The following MFSD8 variants were observed in gnomAD, a reference collection of about 807,000 sequenced individuals.
The protein encoded by MFSD8 is major facilitator superfamily domain containing 8.
Under a neutral mutation model 66.4 loss-of-function variants are expected in MFSD8, and 55 were observed. The ratio of observed to expected loss-of-function variants is 0.83; its 90% confidence interval spans 0.67 to 1.04. MFSD8 has a LOEUF of 1.04. MFSD8 is among the 50% of genes least tolerant of loss of function. The pLI is 0.00. For missense variants in MFSD8, 550 were observed against 627.6 expected (o/e 0.88, Z 1.32); for synonymous variants, 202 against 212.8 (o/e 0.95, Z 0.44).
At chr4:127,950,441 G>A (rs1236326065) in intron 2 of MFSD8, among the ~76,000 whole-genome samples, 1 of 152,180 alleles carries the variant, frequency 6.6e-6, no homozygotes, top group Non-Finnish European at 1.5e-5. Flanking sequence ...TGTAATCCCA[G>A]CACTTTGGGA....
At chr4:127,944,730 G>A (rs576307937) in intron 3 of MFSD8, among the ~76,000 whole-genome samples, 1 of 151,998 alleles carries the variant, frequency 6.6e-6, no homozygotes, top group East Asian at 1.9e-4. Flanking sequence ...GTCCGATCAC[G>A]GCTCAGTGCA....
At chr4:127,947,934 A>G (rs528323438) in intron 3 of MFSD8, among the ~76,000 whole-genome samples, 1 of 152,116 alleles carries the variant, frequency 6.6e-6, no homozygotes, top group South Asian at 2.1e-4. Context: ...CCAACAAGGG[A>G]TAAACTGATA....
chr4:127,925,800 T>C (rs1364801474), intron 9 of MFSD8, among the ~76,000 whole-genome samples: 1 of 152,188 alleles, frequency 6.6e-6, no homozygotes, highest in Non-Finnish European at 1.5e-5. Flanking sequence ...GTATGTTTAT[T>C]ACAGCACTAT....
At position 127,938,851 on chromosome 4, in the gene MFSD8, A is replaced by T. The variant is rs1455294863; in HGVS notation, c.699-13T>A. 2.5e-6 allele frequency: 4 copies of T among 1,599,856 alleles called. No homozygotes were observed. The South Asian group carries it at 4.4e-5, about 18-fold the overall frequency. On this transcript the variant is annotated splice_polypyrimidine_tract_variant and intron_variant, in intron 6 of 11. Transcript: ENST00000641686. ...CACACGATGTTCTCTTAAAAAGAAAAACACAAATATTGTACCTATAAAATG... is the reference window on the plus strand; with the variant it reads ...CACACGATGTTCTCTTAAAAAGAAATACACAAATATTGTACCTATAAAATG...
chr4:127,961,079 C>T (rs1199606567), intron 1 of MFSD8, among the ~76,000 whole-genome samples: 1 of 152,034 alleles, frequency 6.6e-6, no homozygotes, highest in African/African-American at 2.4e-5. Context: ...GTGGGGAGCA[C>T]TGAGGATTCA....
chr4:127,940,104 C>A, intron 5 of MFSD8, 107 bp from the exon 6 acceptor site: 1 of 1,077,302 alleles, frequency 9.3e-7, no homozygotes, highest in East Asian at 2.5e-5. Flanking sequence ...ATGGAATCAT[C>A]CTTCTATATC....
At chr4:127,922,813 T>C (rs929287756) in intron 9 of MFSD8, among the ~76,000 whole-genome samples, 1 of 152,158 alleles carries the variant, frequency 6.6e-6, no homozygotes, top group Non-Finnish European at 1.5e-5. Flanking sequence ...ATGGTAAGTA[T>C]TCTAGCAAAT....
intron 9 of MFSD8, among the ~76,000 whole-genome samples, chr4:127,927,621 T>C (rs532155957): frequency 6.6e-6 from 1 of 152,356 alleles, no homozygotes; most frequent in Non-Finnish European, 1.5e-5. Context: ...CCATAGACTA[T>C]ATGACTGAAC....
chr4:127,921,834 C>T, intron 10 of MFSD8, 26 bp downstream of exon 10: 1 of 1,613,590 alleles, frequency 6.2e-7, no homozygotes, highest in Non-Finnish European at 8.5e-7. Context: ...CAGAGGTTAA[C>T]ATTATAGAAT....
rs1348533099 is a variant in MFSD8, at chr4:127,957,604, G to A, written c.63-12C>T. On this transcript the variant is annotated splice_polypyrimidine_tract_variant and intron_variant, in intron 1 of 11. Transcript: ENST00000641686. ...AAATGTCCCATTCTCTAGGTGTAAA[G>A]AAGAAAAAAGTAGTATAAATTTATC... The A allele has an allele frequency of 6.4e-7, 1 of 1,555,674 alleles. No individual in the cohort carries two copies. Among genetic ancestry groups the A allele is most frequent in the East Asian group, 2.3e-5 (1 of 44,380 alleles).
At chr4:127,923,087 A>G (rs1736579905) in intron 9 of MFSD8, among the ~76,000 whole-genome samples, 1 of 152,156 alleles carries the variant, frequency 6.6e-6, no homozygotes, top group South Asian at 2.1e-4. Flanking sequence ...AGGCAATTTG[A>G]CTTTCTCATT....
chr4:127,965,232 C>T (rs1744876642), upstream of MFSD8: 1 of 1,461,278 alleles, frequency 6.8e-7, no homozygotes, highest in Non-Finnish European at 9.5e-7. Context: ...CCTGTAAGTG[C>T]GCGTGCGCAC....
intron 2 of MFSD8, 82 bp from the exon 3 acceptor site, chr4:127,949,929 G>T: frequency 7.9e-7 from 1 of 1,267,894 alleles, no homozygotes; most frequent in Non-Finnish European, 1.1e-6. Flanking sequence ...CCGTGGCATG[G>T]ATTTTAAAAT....
chr4:127,923,588 ATTATTAT>A (rs1736707455), intron 9 of MFSD8, among the ~76,000 whole-genome samples: 1 of 143,454 alleles, frequency 7.0e-6, no homozygotes. Context: ...TATTATTATT[ATTATTAT>A]TTGAGACAGA....
At chr4:127,959,113 C>T (rs1170265824) in intron 1 of MFSD8, among the ~76,000 whole-genome samples, 1 of 152,206 alleles carries the variant, frequency 6.6e-6, no homozygotes, top group African/African-American at 2.4e-5. Context: ...GATGTCCTGG[C>T]ATCCTGTACC....
chr4:127,920,652 C>T lies in MFSD8; in HGVS notation c.1535G>A (p.Arg512Lys), dbSNP rs796052748. The T allele has an allele frequency of 1.4e-5, 23 of 1,613,928 alleles. No homozygotes were observed. The highest frequency in any genetic ancestry group is 1.9e-5 in the Non-Finnish European group (23 of 1,180,020). ...VYKRLIALSVRYGRIQE is the reference protein window; with the variant it reads ...VYKRLIALSVKYGRIQE ...AGTTTATTCCTGAATCCTCCCATAT[C>T]TTACAGAAAGAGCAATGAGTCTTTT... The change falls in exon 12 of 12, where the codon AGA (arginine) becomes AAA (lysine). Residue 512 changes from arginine (R) to lysine (K), a missense_variant. Coordinates refer to ENST00000641686, the MANE Select transcript of MFSD8 (RefSeq NM_001371596.2).
intron 9 of MFSD8, among the ~76,000 whole-genome samples, chr4:127,924,247 C>T (rs1368216034): frequency 6.6e-6 from 1 of 152,064 alleles, no homozygotes; most frequent in African/African-American, 2.4e-5. Flanking sequence ...AGGAATTTAT[C>T]CGTGTCTTCT....
rs1156864297 is a variant in MFSD8 at position 127,939,881 on chromosome 4, T to A, written c.670A>T (p.Asn224Tyr). The A allele has an allele frequency of 6.2e-7, 1 of 1,613,260 alleles. No individual in the cohort carries two copies. Among genetic ancestry groups the A allele is most frequent in the Non-Finnish European group, 8.5e-7 (1 of 1,179,596 alleles). ...AGTATGGCAAGGATCAGAATAATAT[T>A]TAAAATTCCCAGGAAGGCGCTAAGT... ...VLLSAFLGILNIILILAILRE... is the reference protein window; with the variant it reads ...VLLSAFLGILYIILILAILRE... Residue 224 changes from asparagine (N) to tyrosine (Y), a missense_variant, in exon 6 of 12, where the codon AAT becomes TAT. Physicochemically the swap from Asn to Tyr is moderately radical, Grantham distance 143. Coordinates refer to ENST00000641686, the MANE Select transcript of MFSD8 (RefSeq NM_001371596.2).
chr4:127,937,429 T>C (rs1178513948), intron 7 of MFSD8, among the ~76,000 whole-genome samples: 1 of 152,194 alleles, frequency 6.6e-6, no homozygotes, highest in Non-Finnish European at 1.5e-5. Context: ...AATCTCTATC[T>C]TGATTCCTCT....
Sources: allele counts gnomAD v4.1 joint callset (sites outside exome capture counted in the v4.1 genomes callset), GRCh38; gene constraint gnomAD v4.1.1; transcripts MANE v1.5; gene names NCBI Gene and HGNC (gene_info 2026-07-23, HGNC 2026-07-21).